The following RAB21 variants were observed in gnomAD, a reference collection of about 807,000 sequenced individuals.
The protein encoded by RAB21 is RAB21, member RAS oncogene family, also known as ras-related protein Rab-21.
Under a neutral mutation model 33.1 loss-of-function variants are expected in RAB21, and 13 were observed. That is an observed-to-expected ratio of 0.39 (90% confidence interval 0.26 to 0.62). The LOEUF (loss-of-function observed/expected upper bound fraction) is 0.62, where lower values mean the gene tolerates loss of function less well. Ranked by LOEUF, RAB21 falls within the 20% of genes least tolerant of loss-of-function variation. The pLI is 0.48. For synonymous variants in RAB21, 91 were observed against 103.7 expected, an observed-to-expected ratio of 0.88 and a Z score of 0.74; for missense variants, 234 against 279.1, an observed-to-expected ratio of 0.84 and a Z score of 1.15.
intron 6 of RAB21, among the ~76,000 whole-genome samples, chr12:71,783,367 A>G (rs541578316): frequency 6.6e-6 from 1 of 152,018 alleles, no homozygotes; most frequent in African/African-American, 2.4e-5. Context: ...AATAAAATGC[A>G]TATCTGAGTT....
In RAB21 at chr12:71,759,384, C is replaced by CAG. The variant is rs142566820; in HGVS notation, c.159+4105_159+4106dup. ...CATTATTAAAGACTATGAAAGAAAG[C>CAG]AGAGAGAGAGGGCCAAGTGCAAAGC... is the stretch of plus-strand genomic sequence containing the variant. On this transcript the variant is annotated intron_variant, in intron 1 of 6. Coordinates refer to ENST00000261263, the MANE Select transcript of RAB21 (RefSeq NM_014999.4). 3.9e-5 allele frequency among the ~76,000 whole-genome samples: 6 copies of CAG among 152,242 alleles called. No homozygotes were observed. The South Asian group carries it at 1.2e-3, about 32-fold the overall frequency.
Position 71,793,946 on chromosome 12 carries a change from TG to T in RAB21, c.*8275del, listed in dbSNP as rs1291303496. ...AGTGTTAAAAGCTGGCTGGGAGCCATGGCTCATGCCTGTAATCCAGCACTTT... is the reference window on the plus strand; with the variant it reads ...AGTGTTAAAAGCTGGCTGGGAGCCATGCTCATGCCTGTAATCCAGCACTTT... On this transcript the variant is annotated 3_prime_UTR_variant, in exon 7 of 7. Coordinates refer to ENST00000261263, the MANE Select transcript of RAB21 (RefSeq NM_014999.4). 5 of 152,330 alleles carry T rather than the reference TG, an allele frequency of 3.3e-5. No individual in the cohort carries two copies. The highest frequency in any genetic ancestry group is 1.2e-4 in the African/African-American group (5 of 41,450). 9.4% of individuals were successfully genotyped at this position (152,330 alleles called of 1,614,324 possible). A position where few individuals can be genotyped will look rare whatever the true frequency, so the allele number is the denominator to read the frequency against.
At chr12:71,782,803 G>C (rs1883221307) in intron 6 of RAB21, 145 bp downstream of exon 6, 2 of 554,580 alleles carry the variant, frequency 3.6e-6, no homozygotes, top group Non-Finnish European at 6.2e-6. Flanking sequence ...CTGAAGTGCT[G>C]TAACTATTTT....
intron 3 of RAB21, among the ~76,000 whole-genome samples, chr12:71,773,265 A>G (rs1883069980): frequency 2.0e-5 from 3 of 152,194 alleles, no homozygotes; most frequent in Admixed American, 6.5e-5. Flanking sequence ...ACTGTATATC[A>G]TTGGTTCTCT....
intron 4 of RAB21, among the ~76,000 whole-genome samples, chr12:71,775,252 A>G (rs1011635479): frequency 5.3e-5 from 8 of 152,186 alleles, no homozygotes; most frequent in African/African-American, 1.7e-4. Flanking sequence ...TCATAATCCT[A>G]TGAGGGTTTT....
At chr12:71,768,932 CGTG>C (rs1883000168) in intron 1 of RAB21, among the ~76,000 whole-genome samples, 1 of 151,424 alleles carries the variant, frequency 6.6e-6, no homozygotes, top group East Asian at 1.9e-4. Context: ...GTATACTTGA[CGTG>C]TGTGTGTGTG....
intron 4 of RAB21, among the ~76,000 whole-genome samples, chr12:71,779,500 G>A (rs551112541): frequency 7.7e-4 from 116 of 151,564 alleles, no homozygotes; most frequent in African/African-American, 2.8e-3. Context: ...GAGTAAGCAA[G>A]GACTTAAAAA....
chr12:71,792,717 T>C lies in RAB21; in HGVS notation c.*7044T>C, dbSNP rs1217338514. 6.6e-6 allele frequency: 1 copy of C among 152,234 alleles called. No individual in the cohort carries two copies. Among genetic ancestry groups the C allele is most frequent in the African/African-American group, 2.4e-5 (1 of 41,462 alleles). The allele number at this position is 152,234 out of a possible 1,614,324, so 9.4% of individuals were successfully genotyped here. ...TCTGTATGCCCAGTGCACAAACTGC[T>C]ATGTGCCCAGTGTACATACATGGGA... On this transcript the variant is annotated 3_prime_UTR_variant, in exon 7 of 7. Coordinates refer to ENST00000261263, the MANE Select transcript of RAB21 (RefSeq NM_014999.4).
At chr12:71,782,159 A>G (rs566451753) in intron 5 of RAB21, 74 bp downstream of exon 5, 5 of 1,336,156 alleles carry the variant, frequency 3.7e-6, no homozygotes, top group South Asian at 2.5e-5. Flanking sequence ...TTGCTTTACC[A>G]TTTAGGTATT....
chr12:71,785,274 A>G (rs328738), intron 6 of RAB21, among the ~76,000 whole-genome samples: 3 of 151,994 alleles, frequency 2.0e-5, no homozygotes, highest in South Asian at 4.1e-4. Context: ...GAGCAAAAAA[A>G]TTTTTTTCTT....
Position 71,788,910 on chromosome 12 carries a change from A to G in RAB21, c.*3237A>G, listed in dbSNP as rs889776373. ...TGTGAAAAGAAAAAAGCATTATGTT[A>G]TTGTATGAAATATAAGTGTTCAGAT... On this transcript the variant is annotated 3_prime_UTR_variant, in exon 7 of 7. Transcript: ENST00000261263. 2.0e-5 allele frequency: 3 copies of G among 152,000 alleles called. No homozygotes were observed. Among genetic ancestry groups the G allele is most frequent in the African/African-American group, 7.2e-5 (3 of 41,400 alleles). 9.4% of individuals were successfully genotyped at this position (152,000 alleles called of 1,614,324 possible).
intron 1 of RAB21, among the ~76,000 whole-genome samples, chr12:71,768,147 G>C (rs1051377674): frequency 6.6e-6 from 1 of 152,062 alleles, no homozygotes; most frequent in Admixed American, 6.6e-5. Context: ...CTTGAGGATA[G>C]CTTGGGCCTT....
chr12:71,782,767 T>A, intron 6 of RAB21, 109 bp downstream of exon 6: 1 of 720,920 alleles, frequency 1.4e-6, no homozygotes, highest in Non-Finnish European at 2.2e-6. Flanking sequence ...TGGTTCTTTT[T>A]AAACTATTGA....
intron 1 of RAB21, among the ~76,000 whole-genome samples, chr12:71,764,448 A>G (rs1470420192): frequency 6.6e-6 from 1 of 152,112 alleles, no homozygotes; most frequent in East Asian, 1.9e-4. Flanking sequence ...GTTTGCTGCT[A>G]TCTTTTTTTA....
intron 1 of RAB21, among the ~76,000 whole-genome samples, chr12:71,756,676 T>C (rs1420271622): frequency 2.0e-5 from 3 of 152,220 alleles, no homozygotes; most frequent in Non-Finnish European, 4.4e-5. Context: ...ATTGTTATTG[T>C]TCAGTGTCAT....
At chr12:71,766,427 C>T (rs1882961783) in intron 1 of RAB21, among the ~76,000 whole-genome samples, 1 of 152,118 alleles carries the variant, frequency 6.6e-6, no homozygotes, top group Admixed American at 6.5e-5. Context: ...TCATTTTCCA[C>T]ATCTGTAATA....
chr12:71,782,807 C>T, intron 6 of RAB21, 149 bp downstream of exon 6: 2 of 549,360 alleles, frequency 3.6e-6, no homozygotes, highest in Non-Finnish European at 6.3e-6. Flanking sequence ...AGTGCTGTAA[C>T]TATTTTTTTT....
In RAB21 at chr12:71,792,852, C is replaced by T. The variant is rs1883407548; in HGVS notation, c.*7179C>T. ...AATTTATCTGGGGATATAAGGTCAC[C>T]TGTGCACACATGTTCACATTCTGTG... is the stretch of plus-strand genomic sequence containing the variant. On this transcript the variant is annotated 3_prime_UTR_variant, in exon 7 of 7. Transcript: ENST00000261263. 1 of 152,160 alleles carries T rather than the reference C, an allele frequency of 6.6e-6. No homozygotes were observed. 9.4% of individuals were successfully genotyped at this position (152,160 alleles called of 1,614,324 possible).
At chr12:71,783,099 TGTG>T (rs1307697843) in intron 6 of RAB21, among the ~76,000 whole-genome samples, 3 of 152,092 alleles carry the variant, frequency 2.0e-5, no homozygotes, top group Non-Finnish European at 4.4e-5. Context: ...ATTATGGTAT[TGTG>T]GTTATGCTTT....
Sources: gnomAD v4.1 joint callset for allele counts (sites outside exome capture counted in the v4.1 genomes callset) on GRCh38, gnomAD v4.1.1 for gene constraint, MANE v1.5 for transcripts, NCBI Gene and HGNC (gene_info 2026-07-23, HGNC 2026-07-21) for gene names.